SPECC1: variants seen among roughly 807,000 people sequenced by gnomAD.
SPECC1 encodes sperm antigen with calponin homology and coiled-coil domains 1.
SPECC1 carries 62 observed loss-of-function variants against 104.1 expected under a neutral mutation model. The observed-to-expected ratio is 0.60, with a 90% CI of 0.49 to 0.74. SPECC1 has a LOEUF of 0.74. Ranked by LOEUF, SPECC1 falls within the 30% of genes least tolerant of loss-of-function variation. SPECC1 has a pLI of 0.00. For missense variants in SPECC1, 1,306 were observed against 1,310.5 expected (o/e 1.00, Z 0.05); for synonymous variants, 513 against 501.6 (o/e 1.02, Z -0.30).
intron 1 of SPECC1, among the ~76,000 whole-genome samples, chr17:20,059,414 G>A (rs1231657850): frequency 1.3e-5 from 2 of 152,134 alleles, no homozygotes; most frequent in Non-Finnish European, 2.9e-5. Flanking sequence ...GTGAAGCCCA[G>A]GTGGTAATGC....
intron 3 of SPECC1, among the ~76,000 whole-genome samples, chr17:20,148,890 T>C (rs922608843): frequency 2.6e-5 from 4 of 152,002 alleles, no homozygotes; most frequent in East Asian, 1.9e-4. Flanking sequence ...CAGCTATTGT[T>C]TTGTATTTTT....
chr17:20,122,631 G>A (rs949943326), intron 3 of SPECC1, among the ~76,000 whole-genome samples: 2 of 152,070 alleles, frequency 1.3e-5, no homozygotes, highest in South Asian at 2.1e-4. Flanking sequence ...TTAAACACTC[G>A]CTTCCCATTC....
intron 3 of SPECC1, among the ~76,000 whole-genome samples, chr17:20,181,688 A>G (rs1390873911): frequency 1.3e-5 from 2 of 152,208 alleles, no homozygotes; most frequent in African/African-American, 2.4e-5. Context: ...GTGATTATAT[A>G]TAAGATAAAT....
chr17:20,079,351 G>T (rs1238610921), intron 1 of SPECC1, among the ~76,000 whole-genome samples: 1 of 152,128 alleles, frequency 6.6e-6, no homozygotes, highest in Non-Finnish European at 1.5e-5. Flanking sequence ...CCAGGCTGGA[G>T]TGCAGTGATG....
chr17:20,227,751 A>G (rs763882727), intron 5 of SPECC1, 131 bp downstream of exon 5: 11 of 793,596 alleles, frequency 1.4e-5, no homozygotes, highest in Non-Finnish European at 2.1e-5. Context: ...CCCTGTCTCT[A>G]CTAAAAATAC....
At chr17:20,115,885 G>C (rs2048729940) in intron 3 of SPECC1, among the ~76,000 whole-genome samples, 2 of 152,152 alleles carry the variant, frequency 1.3e-5, no homozygotes, top group Admixed American at 6.5e-5. Context: ...AACCAAGGCA[G>C]TAAGATAAGA....
At chr17:20,017,176 T>G (rs966666598) in intron 1 of SPECC1, 1 of 152,360 alleles carries the variant, frequency 6.6e-6, no homozygotes, top group Non-Finnish European at 1.5e-5. Flanking sequence ...TCCGCGCTGC[T>G]GAAGGTTTGT....
At chr17:20,063,122 A>G (rs1226289812) in intron 1 of SPECC1, among the ~76,000 whole-genome samples, 1 of 152,216 alleles carries the variant, frequency 6.6e-6, no homozygotes, top group Non-Finnish European at 1.5e-5. Context: ...TAATAGTCTT[A>G]TCTCTTCTTA....
chr17:20,249,713 TTAA>T (rs2039552225), intron 9 of SPECC1, among the ~76,000 whole-genome samples: 1 of 152,100 alleles, frequency 6.6e-6, no homozygotes, highest in Non-Finnish European at 1.5e-5. Context: ...CTTAAACAGT[TTAA>T]GAGAGGCTTA....
chr17:20,179,053 A>T lies in SPECC1; in HGVS notation c.284-25280A>T, dbSNP rs532789197. On this transcript the variant is annotated intron_variant, in intron 3 of 14. Coordinates refer to ENST00000395527, the MANE Select transcript of SPECC1 (RefSeq NM_001243439.2). The stretch of plus-strand genomic sequence containing the variant: ...ACTAATATAAATCTTCTGTATTCAG[A>T]CATATCAGCCTGGGTTTTTACTTGC... Among the ~76,000 whole-genome samples, 3 of 152,368 alleles carry T rather than the reference A, an allele frequency of 2.0e-5. No homozygotes were observed. The South Asian group carries it at 6.2e-4, about 32-fold the overall frequency.
intron 2 of SPECC1, among the ~76,000 whole-genome samples, chr17:20,103,292 T>TC (rs1037010832): frequency 1.3e-5 from 2 of 152,110 alleles, no homozygotes; most frequent in Non-Finnish European, 2.9e-5. Flanking sequence ...GTCTTGGGAC[T>TC]CCCCCAGCCC....
intron 3 of SPECC1, among the ~76,000 whole-genome samples, chr17:20,141,800 G>A (rs1232270024): frequency 2.6e-5 from 4 of 152,102 alleles, no homozygotes; most frequent in African/African-American, 9.7e-5. Context: ...CCTCAGAATT[G>A]GAGTGTTTTC....
Position 20,318,983 on chromosome 17 carries a change from A to G in SPECC1, c.*4918A>G, listed in dbSNP as rs1334217202. On this transcript the variant is annotated 3_prime_UTR_variant, in exon 15 of 15. Coordinates refer to ENST00000395527, the MANE Select transcript of SPECC1 (RefSeq NM_001243439.2). ...AACTATTCATAGGAAAGTGTATGAT[A>G]AATGACTGTAATATTTCTAATAAAT... The G allele has an allele frequency of 2.2e-5, 4 of 180,606 alleles. No individual in the cohort carries two copies. Among genetic ancestry groups the G allele is most frequent in the Non-Finnish European group, 4.7e-5 (4 of 84,594 alleles). The allele number at this position is 180,606 out of a possible 1,614,324, so 11.2% of individuals were successfully genotyped here.
chr17:20,051,165 CTTCTTTCCTTCT>C (rs2045760364), intron 1 of SPECC1, among the ~76,000 whole-genome samples: 3 of 106,716 alleles, frequency 2.8e-5, no homozygotes, highest in African/African-American at 1.1e-4. Flanking sequence ...TCCTTCTTTC[CTTCTTTCCTTCT>C]TTCTTTCCTT....
At chr17:20,300,102 G>A (rs1328651972) in intron 13 of SPECC1, among the ~76,000 whole-genome samples, 2 of 152,220 alleles carry the variant, frequency 1.3e-5, no homozygotes, top group African/African-American at 4.8e-5. Flanking sequence ...GACAGCATGG[G>A]CACAAATGGA....
intron 1 of SPECC1, among the ~76,000 whole-genome samples, chr17:20,050,990 T>C (rs1451640263): frequency 2.0e-5 from 3 of 152,250 alleles, no homozygotes; most frequent in Admixed American, 2.0e-4. Flanking sequence ...CTAACTGCTT[T>C]ACTGAAAATA....
intron 12 of SPECC1, among the ~76,000 whole-genome samples, chr17:20,288,619 T>C (rs1041629127): frequency 1.3e-5 from 2 of 151,988 alleles, no homozygotes; most frequent in African/African-American, 4.8e-5. Context: ...AAATGAACAC[T>C]TTTTTTTCTT....
At chr17:20,123,734 C>G (rs1247290550) in intron 3 of SPECC1, among the ~76,000 whole-genome samples, 3 of 152,232 alleles carry the variant, frequency 2.0e-5, no homozygotes, top group African/African-American at 4.8e-5. Flanking sequence ...CTTCCCTCAT[C>G]ATCTTTACCT....
intron 12 of SPECC1, among the ~76,000 whole-genome samples, chr17:20,267,812 C>T (rs1018815731): frequency 1.3e-5 from 2 of 152,136 alleles, no homozygotes; most frequent in African/African-American, 4.8e-5. Context: ...CCACCGGGTC[C>T]TTTGTCTCCT....
Sources: allele counts gnomAD v4.1 joint callset (sites outside exome capture counted in the v4.1 genomes callset), GRCh38; gene constraint gnomAD v4.1.1; transcripts MANE v1.5; gene names NCBI Gene and HGNC (gene_info 2026-07-23, HGNC 2026-07-21).